The following NIPBL variants were observed in gnomAD, a reference collection of about 807,000 sequenced individuals.
The protein encoded by NIPBL is NIPBL cohesin loading factor, also known as nipped-B-like protein.
NIPBL carries 19 observed loss-of-function variants against 321.8 expected under a neutral mutation model. The ratio of observed to expected loss-of-function variants is 0.06; its 90% CI spans 0.04 to 0.09. The LOEUF (loss-of-function observed/expected upper bound fraction) is 0.09, where lower values mean the gene tolerates loss of function less well. Ranked by LOEUF, NIPBL falls within the 10% of genes least tolerant of loss-of-function variation. The pLI is 1.00. For synonymous variants in NIPBL, 1,106 were observed against 1,114.1 expected (o/e 0.99, Z 0.14); for missense variants, 2,210 against 3,327.0 (o/e 0.66, Z 8.26).
chr5:37,052,374 A>G lies in NIPBL; in HGVS notation c.7071A>G (p.Ala2357=). 2 of 1,613,696 alleles carry G rather than the reference A, an allele frequency of 1.2e-6. No homozygotes were observed. The highest frequency in any genetic ancestry group is 1.7e-6 in the Non-Finnish European group (2 of 1,179,568). The change falls in exon 42 of 47, where the codon GCA becomes GCG. Residue 2357 remains alanine (A), a synonymous_variant. Transcript: ENST00000282516. ...KKYAGFIHMK[A]VAGMKMSYQV... is the part of the protein sequence containing the mutation. ...ACTTTTATTGATTTCAGATGAAAGCAGTGGCTGGTATGAAGATGTCTTACC... is the reference window on the plus strand; with the variant it reads ...ACTTTTATTGATTTCAGATGAAAGCGGTGGCTGGTATGAAGATGTCTTACC...
rs533255891 is a variant in NIPBL, at chr5:36,938,336, A to C, written c.-79-15282A>C. Among the ~76,000 whole-genome samples the C allele has an allele frequency of 7.2e-5, 11 of 152,018 alleles. No homozygotes were observed. In the South Asian group the frequency reaches 2.1e-3, roughly 29 times the overall value. On this transcript the variant is annotated intron_variant, in intron 1 of 46. Transcript: ENST00000282516. ...GTTCAGGGAGGCACACACCACACAC[A>C]CACACACACCCCCGACCACCACCAC...
intron 3 of NIPBL, among the ~76,000 whole-genome samples, chr5:36,956,688 G>A (rs1401828729): frequency 1.4e-5 from 2 of 138,602 alleles, no homozygotes; most frequent in East Asian, 2.2e-4. Flanking sequence ...GCAGTGGTGC[G>A]ATCTCGGCTC....
At position 36,975,833 on chromosome 5, in the gene NIPBL, A is replaced by G. The variant is rs1743378006; in HGVS notation, c.926A>G (p.Asp309Gly). 4.3e-6 allele frequency: 7 copies of G among 1,613,190 alleles called. No individual in the cohort carries two copies. Among genetic ancestry groups the G allele is most frequent in the African/African-American group, 4.0e-5 (3 of 75,008 alleles). Residue 309 changes from aspartate (D) to glycine (G), a missense_variant, in exon 9 of 47, where the codon GAT becomes GGT. Around this residue, in one of 14 missense-constraint regions of NIPBL, gnomAD observed 464 missense variants for 529.5 expected, o/e 0.88. Coordinates refer to ENST00000282516, the MANE Select transcript of NIPBL (RefSeq NM_133433.4). The stretch of plus-strand genomic sequence containing the variant: ...TCTCTACCTTGTTCATCACCTCGAG[A>G]TGTTCCACCAGATATCTTGCTAGAT... ...SQSLPCSSPR[D>G]VPPDILLDSP...
chr5:37,033,722 A>AT (rs1751358017), intron 32 of NIPBL, among the ~76,000 whole-genome samples: 5 of 81,544 alleles, frequency 6.1e-5, no homozygotes, highest in African/African-American at 2.5e-4. Flanking sequence ...ATATATATAT[A>AT]TATATATATT....
At position 37,058,981 on chromosome 5, in the gene NIPBL, C is replaced by T. The variant is rs1324046982; in HGVS notation, c.7501C>T (p.Arg2501Trp). The change falls in exon 44 of 47, where the codon CGG (arginine) becomes TGG (tryptophan). Residue 2501 changes from arginine to tryptophan, a missense_variant. By Grantham distance (101) the Arg-to-Trp change is moderately radical. Coordinates refer to ENST00000282516, the MANE Select transcript of NIPBL (RefSeq NM_133433.4). ...CAGTGAAGAAGAAGTTTCCAGGCCT[C>T]GGAAGTCACGGAAACGTGTAGATTC... ...SDSEEEVSRP[R>W]KSRKRVDSDS... 1.9e-6 allele frequency: 3 copies of T among 1,614,014 alleles called. No homozygotes were observed. Among genetic ancestry groups the T allele is most frequent in the Non-Finnish European group, 2.5e-6 (3 of 1,180,034 alleles).
chr5:36,886,198 G>A, intron 1 of NIPBL: 1 of 653,584 alleles, frequency 1.5e-6, no homozygotes, highest in East Asian at 3.0e-5. Context: ...GACCTGCTAT[G>A]CCCTGCAGGT....
At chr5:37,010,527 G>C (rs959016751) in intron 21 of NIPBL, among the ~76,000 whole-genome samples, 2 of 152,044 alleles carry the variant, frequency 1.3e-5, no homozygotes, top group African/African-American at 4.8e-5. Context: ...TGTTGGTCAG[G>C]CTGGTCTCGA....
At chr5:36,941,045 A>T (rs1426015005) in intron 1 of NIPBL, among the ~76,000 whole-genome samples, 1 of 152,178 alleles carries the variant, frequency 6.6e-6, no homozygotes, top group East Asian at 1.9e-4. Flanking sequence ...GTTAGGTATT[A>T]AGTGCATGAT....
At chr5:36,994,498 T>G (rs1268318166) in intron 10 of NIPBL, among the ~76,000 whole-genome samples, 1 of 152,174 alleles carries the variant, frequency 6.6e-6, no homozygotes, top group Non-Finnish European at 1.5e-5. Context: ...ATGATTTTTA[T>G]TCTTTACGTA....
intron 11 of NIPBL, among the ~76,000 whole-genome samples, chr5:36,999,024 C>G (rs1340936844): frequency 1.5e-4 from 23 of 152,144 alleles, no homozygotes; most frequent in Admixed American, 1.5e-3. Flanking sequence ...TGACCTTTTC[C>G]TGCCATGTTG....
At chr5:37,030,403 T>G (rs1450754718) in intron 32 of NIPBL, among the ~76,000 whole-genome samples, 11 of 152,124 alleles carry the variant, frequency 7.2e-5, no homozygotes, top group African/African-American at 2.7e-4. Flanking sequence ...GACAGAGACA[T>G]AACTACTCTG....
At chr5:36,957,731 C>CG (rs1741125978) in intron 3 of NIPBL, among the ~76,000 whole-genome samples, 1 of 152,024 alleles carries the variant, frequency 6.6e-6, no homozygotes, top group African/African-American at 2.4e-5. Flanking sequence ...ACCTGTAATC[C>CG]CAGCACTTTG....
intron 6 of NIPBL, among the ~76,000 whole-genome samples, chr5:36,965,052 A>C (rs549436789): frequency 3.9e-5 from 6 of 152,314 alleles, no homozygotes; most frequent in Admixed American, 1.3e-4. Flanking sequence ...GATGTGAAGA[A>C]AAGGGAATCC....
chr5:36,952,053 T>TGCGC (rs1554010277), intron 1 of NIPBL, among the ~76,000 whole-genome samples: 2,968 of 112,000 alleles, frequency 0.026, 86 homozygotes, highest in Non-Finnish European at 0.038. Context: ...TGTGTGTGTG[T>TGCGC]GCGCGCGCGC....
At chr5:36,908,924 A>G (rs998890184) in intron 1 of NIPBL, among the ~76,000 whole-genome samples, 11 of 152,240 alleles carry the variant, frequency 7.2e-5, no homozygotes, top group East Asian at 1.9e-4. Flanking sequence ...TAATATTGCA[A>G]ATACTTTACA....
chr5:37,014,424 A>G (rs978719141), intron 21 of NIPBL, among the ~76,000 whole-genome samples: 7 of 152,044 alleles, frequency 4.6e-5, no homozygotes, highest in Admixed American at 2.0e-4. Context: ...ATAAACAACT[A>G]TTGATATTAA....
chr5:36,925,513 AC>A (rs1749288911), intron 1 of NIPBL, among the ~76,000 whole-genome samples: 1 of 151,766 alleles, frequency 6.6e-6, no homozygotes, highest in African/African-American at 2.4e-5. Context: ...TGATCCATCC[AC>A]CTCGGCCTCC....
intron 1 of NIPBL, among the ~76,000 whole-genome samples, chr5:36,942,432 T>TAAAAAAA (rs33935189): frequency 1.7e-5 from 1 of 59,780 alleles, no homozygotes; most frequent in Non-Finnish European, 2.8e-5. Context: ...ACTCTGTCTT[T>TAAAAAAA]AAAAAAAAAA....
chr5:37,026,242 A>G lies in NIPBL; in HGVS notation c.5723A>G (p.Glu1908Gly). 6.2e-7 allele frequency: 1 copy of G among 1,603,142 alleles called. No individual in the cohort carries two copies. Among genetic ancestry groups the G allele is most frequent in the Non-Finnish European group, 8.5e-7 (1 of 1,170,650 alleles). The change falls in exon 31 of 47, where the codon GAA becomes GGA. Residue 1908 changes from glutamate to glycine, a missense_variant. Glu to Gly is a moderately conservative substitution (Grantham distance 98). Coordinates refer to ENST00000282516, the MANE Select transcript of NIPBL (RefSeq NM_133433.4). Reference protein sequence around the residue: ...DEEGIKKLVNETFQKLWFTPT... With the variant: ...DEEGIKKLVNGTFQKLWFTPT... Reference sequence around the variant, plus strand: ...TCTTCCTTCTAGAAATTAGTAAATGAAACATTCCAGAAACTCTGGTTTACT... The same window carrying G: ...TCTTCCTTCTAGAAATTAGTAAATGGAACATTCCAGAAACTCTGGTTTACT...
Sources: allele counts gnomAD v4.1 joint callset (sites outside exome capture counted in the v4.1 genomes callset), GRCh38; gene constraint gnomAD v4.1.1; regional missense constraint gnomAD v4.1.1; transcripts MANE v1.5; gene names NCBI Gene and HGNC (gene_info 2026-07-23, HGNC 2026-07-21).